The following TMC5 variants were observed in gnomAD, a reference collection of about 807,000 sequenced individuals.
The protein encoded by TMC5 is transmembrane channel-like protein 5.
A neutral mutation model predicts 110.5 loss-of-function variants in TMC5; 86 were observed. The observed-to-expected ratio is 0.78, with a 90% confidence interval of 0.65 to 0.93. TMC5 has a LOEUF of 0.93. Among genes scored for constraint, TMC5 ranks in the 40% least tolerant of loss-of-function variants. TMC5 has a pLI of 0.00. For missense variants in TMC5, 1,144 were observed against 1,222.8 expected, an observed-to-expected ratio of 0.94 and a Z score of 0.96; for synonymous variants, 455 against 439.5, an observed-to-expected ratio of 1.04 and a Z score of -0.44.
At chr16:19,435,621 A>G (rs1221478500) in intron 2 of TMC5, among the ~76,000 whole-genome samples, 1 of 151,924 alleles carries the variant, frequency 6.6e-6, no homozygotes, top group Non-Finnish European at 1.5e-5. Flanking sequence ...CCCTTTAACC[A>G]CCGCTCAAGA....
chr16:19,457,133 T>A, intron 5 of TMC5: 1 of 837,656 alleles, frequency 1.2e-6, no homozygotes, highest in Non-Finnish European at 1.8e-6. Context: ...CTCACACCTA[T>A]AATCCTACGG....
intron 5 of TMC5, chr16:19,456,461 T>C: frequency 1.7e-6 from 2 of 1,187,318 alleles, no homozygotes; most frequent in Middle Eastern, 3.4e-4. Flanking sequence ...CAGAATTCTC[T>C]GCAGGAAAAC....
At chr16:19,481,254 C>A in intron 14 of TMC5, 116 bp from the exon 15 acceptor site, 1 of 765,156 alleles carries the variant, frequency 1.3e-6, no homozygotes, top group Non-Finnish European at 2.3e-6. Flanking sequence ...TTCAAGGGAA[C>A]TTACGACTTT....
intron 10 of TMC5, 79 bp downstream of exon 10, chr16:19,469,904 T>G: frequency 6.6e-7 from 1 of 1,510,788 alleles, no homozygotes; most frequent in Non-Finnish European, 8.9e-7. Context: ...TTTTCTTTTT[T>G]TTTTTTTTGA....
At chr16:19,437,958 C>G (rs987633454) in intron 2 of TMC5, among the ~76,000 whole-genome samples, 5 of 152,110 alleles carry the variant, frequency 3.3e-5, no homozygotes, top group Non-Finnish European at 7.4e-5. Context: ...ACTCTGTGGC[C>G]AGGGGGATGG....
intron 6 of TMC5, among the ~76,000 whole-genome samples, chr16:19,460,698 ACT>A (rs1371250476): frequency 1.3e-5 from 2 of 152,140 alleles, no homozygotes; most frequent in Non-Finnish European, 2.9e-5. Context: ...CCTCTGTGCT[ACT>A]CTCTCCTAAA....
chr16:19,456,096 A>G (rs1251807944), intron 5 of TMC5, among the ~76,000 whole-genome samples: 2 of 151,778 alleles, frequency 1.3e-5, no homozygotes. Flanking sequence ...AATCCCAGCT[A>G]CTTGGGAGGC....
chr16:19,479,579 C>A, intron 14 of TMC5, 51 bp downstream of exon 14: 1 of 1,328,440 alleles, frequency 7.5e-7, no homozygotes, highest in Non-Finnish European at 1.1e-6. Context: ...GTAAACAGAA[C>A]CTGATTCCTG....
chr16:19,411,182 T>A (rs1046291502), intron 1 of TMC5: 2 of 148,062 alleles, frequency 1.4e-5, no homozygotes, highest in Non-Finnish European at 2.9e-5. Context: ...ATCCGGTAAG[T>A]TTTTTATCTG....
chr16:19,439,431 C>T (rs1204321248), intron 2 of TMC5, among the ~76,000 whole-genome samples: 2 of 152,136 alleles, frequency 1.3e-5, no homozygotes, highest in Admixed American at 6.5e-5. Flanking sequence ...GTTCACTGGT[C>T]CCCTCCCCCA....
At chr16:19,433,351 C>T (rs748458353) in intron 2 of TMC5, among the ~76,000 whole-genome samples, 4 of 152,076 alleles carry the variant, frequency 2.6e-5, no homozygotes, top group Non-Finnish European at 4.4e-5. Context: ...CTTTTGAATG[C>T]TTTCTCTTGG....
intron 6 of TMC5, among the ~76,000 whole-genome samples, chr16:19,461,660 T>C (rs1968026235): frequency 6.6e-6 from 1 of 152,144 alleles, no homozygotes; most frequent in Non-Finnish European, 1.5e-5. Context: ...AACCCGAGGG[T>C]AAGGGCTGTT....
intron 4 of TMC5, among the ~76,000 whole-genome samples, chr16:19,444,618 G>C (rs111971974): frequency 2.0e-5 from 3 of 152,142 alleles, no homozygotes; most frequent in African/African-American, 4.8e-5. Flanking sequence ...ATGTTGATCT[G>C]TTCCAAAATA....
chr16:19,469,699 G>A lies in TMC5; in HGVS notation c.1656G>A (p.Arg552=), dbSNP rs367823912. Residue 552 remains arginine, a synonymous_variant, in exon 10 of 22, where the codon CGG becomes CGA. Transcript: ENST00000542583. ...TCTCTAGCATGGCCAAGTATTTCCG[G>A]AACAACTTCATTAATCCCCACATTT... The part of the protein sequence containing the change: ...SLLFSMAKYF[R]NNFINPHIYS... 1.9e-6 allele frequency: 3 copies of A among 1,614,010 alleles called. No homozygotes were observed. In the South Asian group the frequency reaches 3.3e-5, roughly 18 times the overall value.
chr16:19,437,130 A>G (rs1421801736), intron 2 of TMC5, among the ~76,000 whole-genome samples: 2 of 152,184 alleles, frequency 1.3e-5, no homozygotes, highest in African/African-American at 4.8e-5. Flanking sequence ...AGCTGTGATC[A>G]TGCCACTGCA....
chr16:19,484,108 G>T (rs945692829), intron 15 of TMC5, among the ~76,000 whole-genome samples: 3 of 151,482 alleles, frequency 2.0e-5, no homozygotes, highest in African/African-American at 7.3e-5. Context: ...AAGAATAGCT[G>T]CCTTTGAATC....
In TMC5 at chr16:19,457,709, C is replaced by CTTTTTTTTTTTTTTTTT. The variant is rs573979829; in HGVS notation, c.1049-2508_1049-2492dup. ...TCTATCTGATTCCCAAGACTACATT[C>CTTTTTTTTTTTTTTTTT]TTTTTTTTTTTTTTTTTTTTTTTTT... On this transcript the variant is annotated intron_variant, in intron 5 of 21. Transcript: ENST00000542583. Among the ~76,000 whole-genome samples the CTTTTTTTTTTTTTTTTT allele has an allele frequency of 7.1e-4, 31 of 43,926 alleles. 8 individuals are homozygous for CTTTTTTTTTTTTTTTTT. Among genetic ancestry groups the CTTTTTTTTTTTTTTTTT allele is most frequent in the Non-Finnish European group, 1.5e-3 (29 of 18,948 alleles). The allele number at this position is 43,926 out of a possible 152,430, so 28.8% of individuals were successfully genotyped here. A position where few individuals can be genotyped will look rare whatever the true frequency, so the allele number is the denominator to read the frequency against.
Position 19,437,489 on chromosome 16 carries a change from G to T in TMC5, c.-79-2471G>T, listed in dbSNP as rs887053469. On this transcript the variant is annotated intron_variant, in intron 2 of 21. Transcript: ENST00000542583. ...GTCAACTATGCTGAGAAATTTGGAT[G>T]TGGGTTGGCACACGGACATTCTGAG... 2.6e-5 allele frequency among the ~76,000 whole-genome samples: 4 copies of T among 152,232 alleles called. No individual in the cohort carries two copies. The East Asian group carries it at 7.7e-4, about 29-fold the overall frequency.
At chr16:19,470,194 G>GTTT (rs557157686) in intron 10 of TMC5, among the ~76,000 whole-genome samples, 151 of 119,624 alleles carry the variant, frequency 1.3e-3, no homozygotes, top group Middle Eastern at 0.013. Context: ...GCGCCCAGCT[G>GTTT]TTTTTTTTTT....
Sources: gnomAD v4.1 joint callset for allele counts (sites outside exome capture counted in the v4.1 genomes callset) on GRCh38, gnomAD v4.1.1 for gene constraint, MANE v1.5 for transcripts, NCBI Gene and HGNC (gene_info 2026-07-23, HGNC 2026-07-21) for gene names.